The following SDK1 variants were observed in gnomAD, a reference collection of about 807,000 sequenced individuals.
SDK1 encodes the protein protein sidekick-1.
A neutral mutation model predicts 245.5 loss-of-function variants in SDK1; 157 were observed. That is an observed-to-expected ratio of 0.64 (90% CI 0.56 to 0.73). The LOEUF is 0.73. Among genes scored for constraint, SDK1 ranks in the 30% least tolerant of loss-of-function variants. The pLI is 0.00. For synonymous variants in SDK1, 1,647 were observed against 1,278.5 expected (o/e 1.29, Z -6.15); for missense variants, 3,583 against 3,002.3 (o/e 1.19, Z -4.52).
intron 4 of SDK1, among the ~76,000 whole-genome samples, chr7:3,776,114 T>C (rs1291590226): frequency 6.6e-6 from 1 of 152,226 alleles, no homozygotes; most frequent in African/African-American, 2.4e-5. Context: ...TAGCAACTCA[T>C]GTATGCTGTG....
chr7:4,016,075 G>C (rs755361702), intron 16 of SDK1, among the ~76,000 whole-genome samples: 1 of 152,146 alleles, frequency 6.6e-6, no homozygotes, highest in Non-Finnish European at 1.5e-5. Context: ...CTGATGTTCC[G>C]GTCCACGCGT....
Position 3,526,089 on chromosome 7 carries a change from C to T in SDK1, c.299-92991C>T, listed in dbSNP as rs557070439. 1.8e-4 allele frequency among the ~76,000 whole-genome samples: 28 copies of T among 152,018 alleles called. No individual in the cohort carries two copies. The South Asian group carries it at 2.5e-3, about 14-fold the overall frequency. The stretch of plus-strand genomic sequence containing the variant: ...GTCTCTACTAAAAATACAAAATTAG[C>T]GGGGTGTGATGGTGCATGCCGGTAA... On this transcript the variant is annotated intron_variant, in intron 1 of 44. Coordinates refer to ENST00000404826, the MANE Select transcript of SDK1 (RefSeq NM_152744.4).
rs921538880 is a variant in SDK1, at chr7:4,265,229, C to T, written c.6487C>T (p.Arg2163Cys). 20 of 1,608,240 alleles carry T rather than the reference C, an allele frequency of 1.2e-5. No homozygotes were observed. In the East Asian group the frequency reaches 4.0e-4, roughly 32 times the overall value. Residue 2163 changes from arginine to cysteine, a missense_variant, in exon 45 of 45, where the codon CGC becomes TGC. Transcript: ENST00000404826. ...CTCATGGAAGCGCAGGGCCCAGGGC[C>T]GCGCACCTGCGCCGCACAGGTACGA... ...YNSWKRRAQGRAPAPHRYEAV... is the reference protein window; with the variant it reads ...YNSWKRRAQGCAPAPHRYEAV...
chr7:3,869,715 C>T (rs946253739), intron 5 of SDK1, among the ~76,000 whole-genome samples: 17 of 152,198 alleles, frequency 1.1e-4, no homozygotes, highest in Admixed American at 1.0e-3. Flanking sequence ...TGAGATCTCA[C>T]CTGACATTGA....
intron 1 of SDK1, among the ~76,000 whole-genome samples, chr7:3,489,087 G>A (rs1781790856): frequency 6.6e-6 from 1 of 152,114 alleles, no homozygotes; most frequent in South Asian, 2.1e-4. Context: ...CCAGGCTAGC[G>A]ATACAGAGTG....
At chr7:3,721,061 C>A (rs1361884074) in intron 4 of SDK1, among the ~76,000 whole-genome samples, 2 of 152,142 alleles carry the variant, frequency 1.3e-5, no homozygotes, top group African/African-American at 4.8e-5. Context: ...TACACAGTTA[C>A]AGCAATGGAG....
At chr7:3,485,098 C>A (rs1343854338) in intron 1 of SDK1, among the ~76,000 whole-genome samples, 1 of 152,106 alleles carries the variant, frequency 6.6e-6, no homozygotes, top group East Asian at 1.9e-4. Flanking sequence ...CATAATAGTT[C>A]TGCCAATTTA....
intron 4 of SDK1, among the ~76,000 whole-genome samples, chr7:3,707,397 A>G (rs943347820): frequency 1.3e-5 from 2 of 152,176 alleles, no homozygotes; most frequent in Non-Finnish European, 2.9e-5. Context: ...ATTTTATTCT[A>G]TTCTGATCAG....
At chr7:4,207,941 T>C (rs555339442) in intron 36 of SDK1, among the ~76,000 whole-genome samples, 158 bp from the exon 37 acceptor site, 1 of 152,228 alleles carries the variant, frequency 6.6e-6, no homozygotes, top group Admixed American at 6.5e-5. Flanking sequence ...CCTCAGCTTC[T>C]CCCTGATTCC....
At chr7:4,129,624 G>C (rs1480225640) in intron 26 of SDK1, 1 of 1,276,122 alleles carries the variant, frequency 7.8e-7, no homozygotes, top group Non-Finnish European at 1.0e-6. Context: ...TGGTTGGCAT[G>C]GCTGCAGTTG....
chr7:4,008,038 TCTG>T (rs1261110541), intron 14 of SDK1, among the ~76,000 whole-genome samples: 24 of 152,196 alleles, frequency 1.6e-4, no homozygotes, highest in Non-Finnish European at 2.9e-4. Flanking sequence ...TTGCAAAACT[TCTG>T]CACCACTAAA....
intron 4 of SDK1, among the ~76,000 whole-genome samples, chr7:3,759,622 G>A (rs951937162): frequency 4.7e-5 from 7 of 149,216 alleles, no homozygotes; most frequent in East Asian, 2.0e-4. Context: ...ATTTGGAGGC[G>A]GAATTTTGCT....
intron 14 of SDK1, among the ~76,000 whole-genome samples, chr7:4,007,365 G>A (rs981425352): frequency 2.6e-5 from 4 of 152,054 alleles, no homozygotes; most frequent in Admixed American, 6.5e-5. Context: ...GACCCAGGTA[G>A]CCCCAGGCAG....
At chr7:4,096,911 G>A (rs968965564) in intron 22 of SDK1, among the ~76,000 whole-genome samples, 12 of 152,212 alleles carry the variant, frequency 7.9e-5, no homozygotes, top group South Asian at 2.1e-4. Flanking sequence ...TGTAGCCCAG[G>A]AAGAGGCAGC....
intron 26 of SDK1, among the ~76,000 whole-genome samples, chr7:4,128,237 T>G (rs147909201): frequency 3.9e-5 from 6 of 152,258 alleles, no homozygotes; most frequent in African/African-American, 1.2e-4. Context: ...TGAGCGTGCC[T>G]CCTCCACCTT....
At chr7:3,622,082 G>A (rs146172064) in intron 2 of SDK1, among the ~76,000 whole-genome samples, 1 of 152,152 alleles carries the variant, frequency 6.6e-6, no homozygotes, top group South Asian at 2.1e-4. Flanking sequence ...GTGTCTATGA[G>A]GGTAGGTATG....
At chr7:3,595,499 G>C (rs17133591) in intron 1 of SDK1, among the ~76,000 whole-genome samples, 17,099 of 151,830 alleles carry the variant, frequency 0.11, 1,549 homozygotes, top group East Asian at 0.35. Context: ...ATAAACTGTT[G>C]CCTCCGATAT....
At chr7:3,380,524 G>C (rs1781459954) in intron 1 of SDK1, among the ~76,000 whole-genome samples, 2 of 152,310 alleles carry the variant, frequency 1.3e-5, no homozygotes, top group South Asian at 4.2e-4. Context: ...GGTTCAGTTT[G>C]GCCAACTTTG....
At chr7:3,869,098 C>T (rs1780894079) in intron 5 of SDK1, among the ~76,000 whole-genome samples, 1 of 151,326 alleles carries the variant, frequency 6.6e-6, no homozygotes, top group African/African-American at 2.4e-5. Context: ...TTTTTTTTCC[C>T]CCAAAAAAGA....
Sources: gnomAD v4.1 joint callset for allele counts (sites outside exome capture counted in the v4.1 genomes callset) on GRCh38, gnomAD v4.1.1 for gene constraint, MANE v1.5 for transcripts, NCBI Gene and HGNC (gene_info 2026-07-23, HGNC 2026-07-21) for gene names.